Variants in ZFYVE1 observed in about 807,000 individuals in gnomAD.
ZFYVE1 encodes zinc finger FYVE domain-containing protein 1.
ZFYVE1 carries 30 observed loss-of-function variants against 74.4 expected under a neutral mutation model. That is an observed-to-expected ratio of 0.40 (90% confidence interval 0.30 to 0.55). The LOEUF (loss-of-function observed/expected upper bound fraction) is 0.55. Among genes scored for constraint, ZFYVE1 ranks in the 20% least tolerant of loss-of-function variants. The pLI, the probability that ZFYVE1 is intolerant of heterozygous loss-of-function variation, is 0.42. For missense variants in ZFYVE1, 703 were observed against 1,011.6 expected (o/e 0.69, Z 4.14); for synonymous variants, 335 against 385.1 (o/e 0.87, Z 1.52).
At chr14:73,026,411 G>A (rs1378414207) in intron 1 of ZFYVE1, among the ~76,000 whole-genome samples, 4 of 152,066 alleles carry the variant, frequency 2.6e-5, no homozygotes, top group Non-Finnish European at 5.9e-5. Flanking sequence ...CTCCCCTACA[G>A]TAATCAATCT....
chr14:72,997,241 C>T (rs1362698264), intron 3 of ZFYVE1, among the ~76,000 whole-genome samples: 1 of 152,204 alleles, frequency 6.6e-6, no homozygotes, highest in Non-Finnish European at 1.5e-5. Context: ...CAATACGTCA[C>T]ATCTTAAATT....
rs1225692422 is a variant in ZFYVE1, at chr14:72,969,692, C to T, written c.*1190G>A. ...GTGTTTGGCCACTGAAGATCAAATC[C>T]ACCATGATGATAGGATTTCAGCACA... On this transcript the variant is annotated 3_prime_UTR_variant, in exon 12 of 12. Coordinates refer to ENST00000556143, the MANE Select transcript of ZFYVE1 (RefSeq NM_021260.4). The T allele has an allele frequency of 2.8e-6, 2 of 702,128 alleles. No homozygotes were observed. Among genetic ancestry groups the T allele is most frequent in the East Asian group, 2.7e-5 (1 of 37,262 alleles). 43.5% of individuals were successfully genotyped at this position (702,128 alleles called of 1,614,324 possible). A position where few individuals can be genotyped will look rare whatever the true frequency, so the allele number is the denominator to read the frequency against.
intron 4 of ZFYVE1, among the ~76,000 whole-genome samples, chr14:72,983,371 T>C (rs1374550776): frequency 1.2e-4 from 11 of 92,464 alleles, no homozygotes; most frequent in African/African-American, 4.3e-4. Flanking sequence ...ACCACAGGCC[T>C]CGATGTGTGA....
Position 72,975,461 on chromosome 14 carries a change from T to C in ZFYVE1, c.1806+90A>G, listed in dbSNP as rs938550901. The C allele has an allele frequency of 6.8e-7, 1 of 1,476,452 alleles. No individual in the cohort carries two copies. The highest frequency in any genetic ancestry group is 9.1e-7 in the Non-Finnish European group (1 of 1,104,536). The allele number at this position is 1,476,452 out of a possible 1,614,324, so 91.5% of individuals were successfully genotyped here. A position where few individuals can be genotyped will look rare whatever the true frequency, so the allele number is the denominator to read the frequency against. On this transcript the variant is annotated intron_variant, in intron 9 of 11. Coordinates refer to ENST00000556143, the MANE Select transcript of ZFYVE1 (RefSeq NM_021260.4). This position sits in a 1 kb window ranked among gnomAD's most constrained non-coding sequence, Gnocchi z 4.1. ...TGCACTGGCAGAAAATGTTTGCGTC[T>C]CCCTCACAGAACAAGCTTAGCACAG...
intron 2 of ZFYVE1, among the ~76,000 whole-genome samples, chr14:73,017,433 G>T (rs1894224128): frequency 6.6e-6 from 1 of 152,142 alleles, no homozygotes; most frequent in African/African-American, 2.4e-5. Context: ...TGTCCCTTGA[G>T]GGAGCAAAAT....
chr14:72,991,140 T>G (rs1182098925), intron 4 of ZFYVE1, among the ~76,000 whole-genome samples: 3 of 151,458 alleles, frequency 2.0e-5, no homozygotes, highest in African/African-American at 7.3e-5. Flanking sequence ...GAAAAATCCC[T>G]GAGCACTAAT....
intron 3 of ZFYVE1, among the ~76,000 whole-genome samples, chr14:72,997,105 T>A (rs565461518): frequency 6.6e-6 from 1 of 152,238 alleles, no homozygotes; most frequent in Non-Finnish European, 1.5e-5. Flanking sequence ...CCCATTGTTA[T>A]GGATGAACTG....
chr14:73,007,245 C>T (rs748501987), intron 2 of ZFYVE1, among the ~76,000 whole-genome samples: 3 of 152,172 alleles, frequency 2.0e-5, no homozygotes, highest in Non-Finnish European at 4.4e-5. Flanking sequence ...AAGTTCAACA[C>T]AGCACAGTCA....
chr14:73,024,324 C>G lies in ZFYVE1; in HGVS notation c.185G>C (p.Arg62Thr), dbSNP rs1195993710. ...QERLRNHERI[R>T]LKPGHVPYCD... is the part of the protein sequence containing the mutation. ...GTAAGGGACATGGCCAGGTTTGAGT[C>G]TTATCCGCTCATGGTTTCTCAGGCG... The change falls in exon 2 of 12, where the codon AGA becomes ACA. Residue 62 changes from arginine to threonine, a missense_variant. Transcript: ENST00000556143. The G allele has an allele frequency of 1.2e-6, 2 of 1,614,158 alleles. No individual in the cohort carries two copies. The highest frequency in any genetic ancestry group is 2.2e-5 in the South Asian group (2 of 91,070).
intron 2 of ZFYVE1, among the ~76,000 whole-genome samples, chr14:73,016,089 C>A (rs1033349902): frequency 1.1e-4 from 16 of 152,214 alleles, no homozygotes; most frequent in African/African-American, 2.7e-4. Flanking sequence ...CCTCTTCCCC[C>A]ACTAAGAACT....
In ZFYVE1 at chr14:72,998,294, T is replaced by G. The variant is rs771294149; in HGVS notation, c.505A>C (p.Ile169Leu). 2 of 1,455,676 alleles carry G rather than the reference T, an allele frequency of 1.4e-6. No individual in the cohort carries two copies. The highest frequency in any genetic ancestry group is 4.8e-5 in the East Asian group (2 of 41,396). The allele number at this position is 1,455,676 out of a possible 1,614,324, so 90.2% of individuals were successfully genotyped here. ...TCAGGTTTGCAGTCCAATTTTCTAA[T>G]AAAGTCTTCTTCATTTGTTACCTGC... ...EIQVTNEEDFIRKLDCKPDQH... is the reference protein window; with the variant it reads ...EIQVTNEEDFLRKLDCKPDQH... The change falls in exon 3 of 12, where the codon ATT (isoleucine) becomes CTT (leucine). Residue 169 changes from isoleucine (I) to leucine (L), a missense_variant. By Grantham distance (5) the Ile-to-Leu change is conservative (BLOSUM62 2). Around this residue, in one of 2 missense-constraint regions of ZFYVE1, gnomAD observed 211 missense variants for 221.7 expected, o/e 0.95. Coordinates refer to ENST00000556143, the MANE Select transcript of ZFYVE1 (RefSeq NM_021260.4).
At chr14:73,016,506 C>T (rs574691807) in intron 2 of ZFYVE1, among the ~76,000 whole-genome samples, 23 of 143,254 alleles carry the variant, frequency 1.6e-4, no homozygotes, top group African/African-American at 4.6e-4. Context: ...TGCAAGATTC[C>T]GTCTCAAATA....
intron 2 of ZFYVE1, among the ~76,000 whole-genome samples, chr14:73,017,353 G>C (rs1305639165): frequency 1.3e-5 from 2 of 152,250 alleles, no homozygotes; most frequent in South Asian, 4.1e-4. Context: ...TGGCCTCTAT[G>C]CACTATCCAG....
intron 3 of ZFYVE1, among the ~76,000 whole-genome samples, chr14:72,995,975 T>C (rs1411076129): frequency 2.0e-5 from 3 of 152,144 alleles, no homozygotes; most frequent in Admixed American, 1.3e-4. Context: ...GATCTGGCCA[T>C]CTAACTCTCT....
intron 5 of ZFYVE1, 56 bp from the exon 6 acceptor site, chr14:72,979,025 C>A (rs760301357): frequency 1.0e-4 from 154 of 1,488,966 alleles, no homozygotes; most frequent in Non-Finnish European, 1.4e-4. Context: ...GTGCCACTTA[C>A]ACAGAACAGC....
intron 1 of ZFYVE1, among the ~76,000 whole-genome samples, chr14:73,025,723 A>G (rs1056704708): frequency 2.0e-5 from 3 of 151,754 alleles, no homozygotes; most frequent in Admixed American, 2.0e-4. Context: ...AAAATCTCAA[A>G]ATTGTGGCTA....
At chr14:73,026,364 G>C (rs973601146) in intron 1 of ZFYVE1, among the ~76,000 whole-genome samples, 5 of 151,974 alleles carry the variant, frequency 3.3e-5, no homozygotes, top group Admixed American at 1.3e-4. Context: ...CCAAGGCCCC[G>C]ACAAGGTGTA....
At chr14:72,992,929 C>CT (rs147510174) in intron 4 of ZFYVE1, among the ~76,000 whole-genome samples, 6 of 152,244 alleles carry the variant, frequency 3.9e-5, no homozygotes, top group African/African-American at 1.4e-4. Context: ...GGACCGGGCA[C>CT]TTTTTTTACT....
chr14:72,991,282 C>T (rs1440357500), intron 4 of ZFYVE1, among the ~76,000 whole-genome samples: 2 of 150,974 alleles, frequency 1.3e-5, no homozygotes, highest in African/African-American at 2.4e-5. Context: ...CTCCGCCTCC[C>T]GGGTTCACGC....
Sources: allele counts gnomAD v4.1 joint callset (sites outside exome capture counted in the v4.1 genomes callset), GRCh38; gene constraint gnomAD v4.1.1; regional missense constraint gnomAD v4.1.1; non-coding constraint Gnocchi (gnomAD v3.1); transcripts MANE v1.5; gene names NCBI Gene and HGNC (gene_info 2026-07-23, HGNC 2026-07-21).